PRCP: variants seen among roughly 807,000 people sequenced by gnomAD.
The protein encoded by PRCP is lysosomal Pro-X carboxypeptidase.
A neutral mutation model predicts 54.2 loss-of-function variants in PRCP; 46 were observed. That is an observed-to-expected ratio of 0.85 (90% CI 0.67 to 1.09). The LOEUF is 1.09. Among genes scored for constraint, PRCP ranks in the 50% least tolerant of loss-of-function variants. The pLI is 0.00. For missense variants in PRCP, 613 were observed against 596.8 expected, an observed-to-expected ratio of 1.03 and a Z score of -0.28; for synonymous variants, 240 against 212.2, an observed-to-expected ratio of 1.13 and a Z score of -1.14.
chr11:82,847,998 T>C (rs1446569593), intron 6 of PRCP, among the ~76,000 whole-genome samples: 2 of 152,234 alleles, frequency 1.3e-5, no homozygotes, highest in African/African-American at 4.8e-5. Context: ...TGGCCTGCTA[T>C]ATGCAATACA....
chr11:82,825,456 T>G (rs1017096176), intron 8 of PRCP: 1 of 264,600 alleles, frequency 3.8e-6, no homozygotes, highest in Non-Finnish European at 7.3e-6. Flanking sequence ...GTTACCTGAC[T>G]CAGTTTCCTC....
intron 1 of PRCP, among the ~76,000 whole-genome samples, chr11:82,890,437 T>A (rs1405946519): frequency 1.3e-5 from 2 of 152,210 alleles, no homozygotes; most frequent in Non-Finnish European, 2.9e-5. Context: ...GTTCATGCTC[T>A]TGTTTTTTCA....
intron 8 of PRCP, among the ~76,000 whole-genome samples, chr11:82,834,300 G>A (rs1423429453): frequency 6.6e-6 from 1 of 152,146 alleles, no homozygotes; most frequent in African/African-American, 2.4e-5. Context: ...CTTATATTTA[G>A]GTCTTTTTCA....
At chr11:82,878,247 T>C (rs1383346520) in intron 1 of PRCP, among the ~76,000 whole-genome samples, 1 of 152,236 alleles carries the variant, frequency 6.6e-6, no homozygotes, top group African/African-American at 2.4e-5. Flanking sequence ...GGGACTTGCC[T>C]TGTCTCAGGT....
At chr11:82,882,593 T>A (rs1859774771) in intron 1 of PRCP, among the ~76,000 whole-genome samples, 1 of 147,436 alleles carries the variant, frequency 6.8e-6, no homozygotes, top group African/African-American at 2.6e-5. Context: ...CCTCCCGGGT[T>A]CACGCCATTC....
At chr11:82,889,300 T>A (rs1859943676) in intron 1 of PRCP, among the ~76,000 whole-genome samples, 1 of 151,400 alleles carries the variant, frequency 6.6e-6, no homozygotes, top group Non-Finnish European at 1.5e-5. Flanking sequence ...TGAGGCCAAG[T>A]CTGCAGTGGG....
chr11:82,866,838 C>T (rs7936551), intron 1 of PRCP, among the ~76,000 whole-genome samples: 36,512 of 151,886 alleles, frequency 0.24, 4,984 homozygotes, highest in Admixed American at 0.3. Context: ...TCTCCTGCCT[C>T]AGCCTCCCAA....
intron 1 of PRCP, among the ~76,000 whole-genome samples, chr11:82,866,068 G>T (rs1859327700): frequency 6.6e-6 from 1 of 152,166 alleles, no homozygotes; most frequent in Non-Finnish European, 1.5e-5. Context: ...CTGGCTCTTG[G>T]ATGACTCCTG....
chr11:82,838,598 T>A (rs1385407721), intron 7 of PRCP, 24 bp from the exon 8 acceptor site: 3 of 1,585,122 alleles, frequency 1.9e-6, no homozygotes, highest in Admixed American at 3.7e-5. Flanking sequence ...CAAGAGAGAA[T>A]CCAATTAGAA....
intron 1 of PRCP, chr11:82,899,973 A>C (rs1310280879): frequency 8.6e-6 from 4 of 467,336 alleles, no homozygotes; most frequent in Non-Finnish European, 1.5e-5. Flanking sequence ...GAGGGAGTTG[A>C]AGTGACTGTC....
At chr11:82,849,885 A>G in intron 5 of PRCP, 29 bp downstream of exon 5, 1 of 1,393,126 alleles carries the variant, frequency 7.2e-7, no homozygotes, top group Non-Finnish European at 9.4e-7. Context: ...AAAAAAACAC[A>G]CAATTCCATT....
chr11:82,862,831 C>T (rs1358839366), intron 1 of PRCP, among the ~76,000 whole-genome samples: 3 of 152,200 alleles, frequency 2.0e-5, no homozygotes, highest in East Asian at 3.8e-4. Context: ...ATCATTCACT[C>T]AACAAGAATC....
At chr11:82,857,730 AGAGTT>A (rs1477567581) in intron 2 of PRCP, among the ~76,000 whole-genome samples, 5 of 152,240 alleles carry the variant, frequency 3.3e-5, no homozygotes, top group South Asian at 2.1e-4. Flanking sequence ...AACAATTAGA[AGAGTT>A]ATATGCATGT....
rs780708629 is a variant in PRCP, at chr11:82,850,012, AAT to A, written c.651_652del (p.Phe218TyrfsTer9). On this transcript the variant is annotated frameshift_variant, in exon 5 of 9. Transcript: ENST00000313010. LOFTEE classifies it high-confidence loss of function. ...AAAATCTGTAGTTACGATCTTCATA[AAT>A]ACACCACAAGGTACTAAATCCTCAA... 7.8e-5 allele frequency: 122 copies of A among 1,558,272 alleles called. No homozygotes were observed. Among genetic ancestry groups the A allele is most frequent in the Middle Eastern group, 1.8e-4 (1 of 5,518 alleles).
At chr11:82,844,750 A>G (rs1235758266) in intron 6 of PRCP, among the ~76,000 whole-genome samples, 1 of 134,420 alleles carries the variant, frequency 7.4e-6, no homozygotes, top group Non-Finnish European at 1.6e-5. Flanking sequence ...AAAAAAAAAA[A>G]GAAAGAAAGA....
At position 82,824,122 on chromosome 11, in the gene PRCP, A is replaced by G. The variant is rs1358815165; in HGVS notation, c.*784T>C. On this transcript the variant is annotated 3_prime_UTR_variant, in exon 9 of 9. Coordinates refer to ENST00000313010, the MANE Select transcript of PRCP (RefSeq NM_005040.4). ...GCTCAGATTTAAAAAGACAAAACAGAGTCATTTTCCTAAACTGGCAGAATT... is the reference window on the plus strand; with the variant it reads ...GCTCAGATTTAAAAAGACAAAACAGGGTCATTTTCCTAAACTGGCAGAATT... The G allele has an allele frequency of 6.6e-6, 1 of 152,246 alleles. No individual in the cohort carries two copies. Among genetic ancestry groups the G allele is most frequent in the East Asian group, 1.9e-4 (1 of 5,202 alleles). 9.4% of individuals were successfully genotyped at this position (152,246 alleles called of 1,614,324 possible). A position where few individuals can be genotyped will look rare whatever the true frequency, so the allele number is the denominator to read the frequency against.
At chr11:82,838,084 TAAC>T (rs1216596913) in intron 8 of PRCP, among the ~76,000 whole-genome samples, 5 of 152,206 alleles carry the variant, frequency 3.3e-5, no homozygotes, top group Non-Finnish European at 7.4e-5. Context: ...AACAACAACA[TAAC>T]AATAATAAGA....
chr11:82,883,572 A>G (rs544772232), intron 1 of PRCP, among the ~76,000 whole-genome samples: 1 of 152,354 alleles, frequency 6.6e-6, no homozygotes, highest in East Asian at 1.9e-4. Context: ...GTCTAAGCCT[A>G]CACTAGCTAA....
At chr11:82,855,115 G>A (rs562389242) in intron 2 of PRCP, among the ~76,000 whole-genome samples, 1 of 152,284 alleles carries the variant, frequency 6.6e-6, no homozygotes, top group Admixed American at 6.5e-5. Flanking sequence ...CTGGACATCA[G>A]CCTTGGCAAA....
Sources: gnomAD v4.1 joint callset for allele counts (sites outside exome capture counted in the v4.1 genomes callset) on GRCh38, gnomAD v4.1.1 for gene constraint, MANE v1.5 for transcripts, NCBI Gene and HGNC (gene_info 2026-07-23, HGNC 2026-07-21) for gene names.